The following SORCS3 variants were observed in gnomAD, a reference collection of about 807,000 sequenced individuals.
The protein encoded by SORCS3 is VPS10 domain-containing receptor SorCS3.
A neutral mutation model predicts 146.3 loss-of-function variants in SORCS3; 57 were observed. The ratio of observed to expected loss-of-function variants is 0.39; its 90% confidence interval spans 0.31 to 0.49. SORCS3 has a LOEUF of 0.49. Among genes scored for constraint, SORCS3 ranks in the 20% least tolerant of loss-of-function variants. The probability of loss-of-function intolerance (pLI) is 0.92; values close to 1 mark genes in which losing one functional copy is unlikely to be tolerated. For synonymous variants in SORCS3, 653 were observed against 618.5 expected, an observed-to-expected ratio of 1.06 and a Z score of -0.83; for missense variants, 1,341 against 1,575.5, an observed-to-expected ratio of 0.85 and a Z score of 2.52.
At chr10:104,712,484 C>T (rs1046266480) in intron 1 of SORCS3, among the ~76,000 whole-genome samples, 2 of 152,178 alleles carry the variant, frequency 1.3e-5, no homozygotes, top group African/African-American at 4.8e-5. Flanking sequence ...GCCATCCTCA[C>T]ATGTGAGTCT....
At chr10:104,820,677 A>G (rs1229548332) in intron 1 of SORCS3, among the ~76,000 whole-genome samples, 2 of 152,192 alleles carry the variant, frequency 1.3e-5, no homozygotes, top group Non-Finnish European at 2.9e-5. Context: ...TTTATTTAGA[A>G]TATTTGCATC....
chr10:105,155,686 A>T (rs543105353), intron 9 of SORCS3, among the ~76,000 whole-genome samples: 3 of 152,312 alleles, frequency 2.0e-5, no homozygotes, highest in East Asian at 3.9e-4. Context: ...AATGGCCCTG[A>T]CTTTAAGCCA....
chr10:104,818,576 G>A (rs1564690873), intron 1 of SORCS3, among the ~76,000 whole-genome samples: 2 of 152,050 alleles, frequency 1.3e-5, no homozygotes, highest in African/African-American at 2.4e-5. Flanking sequence ...CCTTTCCTGA[G>A]TCACAGCTGC....
intron 1 of SORCS3, among the ~76,000 whole-genome samples, chr10:104,727,276 T>G (rs1395989150): frequency 6.6e-6 from 1 of 152,214 alleles, no homozygotes; most frequent in Non-Finnish European, 1.5e-5. Context: ...TTTTATTGTT[T>G]TGTTGATTGC....
intron 5 of SORCS3, among the ~76,000 whole-genome samples, chr10:105,083,669 A>T (rs192996577): frequency 7.6e-4 from 115 of 152,252 alleles, no homozygotes; most frequent in African/African-American, 2.4e-3. Context: ...ATCTTCAGTC[A>T]CTACTCCTCT....
In SORCS3 at chr10:105,089,838, A is replaced by T; in HGVS notation, c.1092A>T (p.Gly364=). Reference sequence around the variant, plus strand: ...ACATGGAGGTGCGGACCACGGATGGATGTGAGTTCTGCTACAGCCAGGCTA... The same window carrying T: ...ACATGGAGGTGCGGACCACGGATGGTTGTGAGTTCTGCTACAGCCAGGCTA... The part of the protein sequence containing the change: ...LVHMEVRTTD[G]YAHYLTCRIQ... The change falls in exon 6 of 27, where the codon GGA becomes GGT. Residue 364 remains glycine (G), a splice_region_variant and synonymous_variant. Coordinates refer to ENST00000369701, the MANE Select transcript of SORCS3 (RefSeq NM_014978.3). The T allele has an allele frequency of 6.2e-7, 1 of 1,613,466 alleles. No individual in the cohort carries two copies. Among genetic ancestry groups the T allele is most frequent in the Non-Finnish European group, 8.5e-7 (1 of 1,179,468 alleles).
chr10:104,686,895 ATGCATCCG>A (rs1296267181), intron 1 of SORCS3, among the ~76,000 whole-genome samples: 1 of 151,750 alleles, frequency 6.6e-6, no homozygotes, highest in African/African-American at 2.4e-5. Context: ...CCATGCATCC[ATGCATCCG>A]TCTTTCCATC....
At chr10:105,237,923 T>C (rs1345982549) in intron 20 of SORCS3, among the ~76,000 whole-genome samples, 1 of 152,182 alleles carries the variant, frequency 6.6e-6, no homozygotes, top group Non-Finnish European at 1.5e-5. Context: ...ATGTAAGTAG[T>C]TAAATTAAAT....
intron 17 of SORCS3, among the ~76,000 whole-genome samples, chr10:105,213,169 A>T (rs2056644289): frequency 6.6e-6 from 1 of 152,180 alleles, no homozygotes; most frequent in Non-Finnish European, 1.5e-5. Context: ...TTGACAAAAA[A>T]GATGTATATA....
chr10:104,844,389 C>T (rs1349159149), intron 2 of SORCS3, among the ~76,000 whole-genome samples: 1 of 152,108 alleles, frequency 6.6e-6, no homozygotes. Flanking sequence ...ACAGCTATTC[C>T]TGCTACTCCA....
intron 20 of SORCS3, among the ~76,000 whole-genome samples, chr10:105,226,483 C>G (rs1292985155): frequency 6.6e-6 from 1 of 151,782 alleles, no homozygotes; most frequent in Non-Finnish European, 1.5e-5. Flanking sequence ...AATTTTCAAT[C>G]CTATATTCAT....
intron 22 of SORCS3, among the ~76,000 whole-genome samples, chr10:105,250,489 G>A (rs1224293851): frequency 1.3e-5 from 2 of 152,128 alleles, no homozygotes; most frequent in African/African-American, 4.8e-5. Flanking sequence ...CCTTTGGATG[G>A]GTTAAATGAA....
chr10:105,262,464 G>A lies in SORCS3; in HGVS notation c.3577G>A (p.Asp1193Asn), dbSNP rs1300826161. The A allele has an allele frequency of 1.2e-6, 2 of 1,613,932 alleles. No individual in the cohort carries two copies. The highest frequency in any genetic ancestry group is 8.5e-7 in the Non-Finnish European group (1 of 1,179,918). ...CTTTACGGAGCCTGAGGAGCTGCTG[G>A]ACAAAGAGCTGGACACGCGGGTCAT... is the stretch of plus-strand genomic sequence containing the variant. ...SDFTEPEELL[D>N]KELDTRVIGG... Residue 1193 changes from aspartate to asparagine, a missense_variant, in exon 26 of 27, where the codon GAC (aspartate) becomes AAC (asparagine). Asp to Asn is a conservative substitution (Grantham distance 23). Transcript: ENST00000369701.
intron 1 of SORCS3, among the ~76,000 whole-genome samples, chr10:104,660,930 G>T (rs554896211): frequency 6.6e-6 from 1 of 152,290 alleles, no homozygotes; most frequent in South Asian, 2.1e-4. Context: ...TACAATGATG[G>T]ATTTTTCTTG....
intron 1 of SORCS3, among the ~76,000 whole-genome samples, chr10:104,794,591 G>A (rs2017529902): frequency 7.1e-6 from 1 of 141,104 alleles, no homozygotes; most frequent in Non-Finnish European, 1.5e-5. Flanking sequence ...TAGATAGGGT[G>A]TGTGTGTGTG....
chr10:105,228,934 T>C (rs753130114), intron 20 of SORCS3, among the ~76,000 whole-genome samples: 2 of 152,246 alleles, frequency 1.3e-5, no homozygotes, highest in African/African-American at 2.4e-5. Flanking sequence ...TTTTGTTAAA[T>C]TGATTTTGTA....
intron 5 of SORCS3, among the ~76,000 whole-genome samples, chr10:105,073,291 G>C (rs74157412): frequency 0.014 from 2,107 of 152,186 alleles, 43 homozygotes; most frequent in African/African-American, 0.048. Context: ...AGATCTTGCA[G>C]GGGGATTTGG....
chr10:105,077,827 C>T (rs971243557), intron 5 of SORCS3, among the ~76,000 whole-genome samples: 2 of 152,152 alleles, frequency 1.3e-5, no homozygotes, highest in Non-Finnish European at 2.9e-5. Flanking sequence ...CAGCTGTTGA[C>T]AAGAGGCAGG....
At chr10:104,908,257 C>T (rs1035745478) in intron 2 of SORCS3, among the ~76,000 whole-genome samples, 2 of 152,318 alleles carry the variant, frequency 1.3e-5, no homozygotes, top group East Asian at 3.9e-4. Context: ...TCTTATCATA[C>T]ACTTATGGTG....
Sources: gnomAD v4.1 joint callset for allele counts (sites outside exome capture counted in the v4.1 genomes callset) on GRCh38, gnomAD v4.1.1 for gene constraint, MANE v1.5 for transcripts, NCBI Gene and HGNC (gene_info 2026-07-23, HGNC 2026-07-21) for gene names.